PCDHGA8: variants seen among roughly 807,000 people sequenced by gnomAD.
The protein encoded by PCDHGA8 is protocadherin gamma-A8.
A neutral mutation model predicts 59.2 loss-of-function variants in PCDHGA8; 45 were observed. That is an observed-to-expected ratio of 0.76 (90% confidence interval 0.60 to 0.98). The LOEUF is 0.98. PCDHGA8 is among the 50% of genes least tolerant of loss of function. PCDHGA8 has a pLI of 0.00. For missense variants in PCDHGA8, 1,257 were observed against 1,196.2 expected (o/e 1.05, Z -0.75); for synonymous variants, 531 against 519.0 (o/e 1.02, Z -0.32).
intron 1 of PCDHGA8, among the ~76,000 whole-genome samples, chr5:141,451,001 A>AT (rs1164946963): frequency 2.0e-5 from 3 of 148,376 alleles, no homozygotes; most frequent in South Asian, 2.1e-4. Context: ...ATTTTTTTGT[A>AT]TTTTTTTTAG....
At chr5:141,417,538 A>G (rs2154547037) in intron 1 of PCDHGA8, 2 of 297,748 alleles carry the variant, frequency 6.7e-6, no homozygotes, top group East Asian at 6.0e-5. Flanking sequence ...AGTTTAAAAA[A>G]AATTCCTTGA....
rs1399250599 is a variant in PCDHGA8, at chr5:141,476,902, C to A, written c.2425-17905C>A. On this transcript the variant is annotated intron_variant, in intron 1 of 3. Coordinates refer to ENST00000398604, the MANE Select transcript of PCDHGA8 (RefSeq NM_032088.2). The surrounding 1 kb of genome is among the most constrained non-coding windows in gnomAD (Gnocchi z 7.6). ...TGGAGGATGCACCCTCCGGCACGCG[C>A]GTGGTACAAGTCCTTGCAACGGATC... 5 of 1,613,880 alleles carry A rather than the reference C, an allele frequency of 3.1e-6. No individual in the cohort carries two copies. Among genetic ancestry groups the A allele is most frequent in the South Asian group, 1.1e-5 (1 of 91,090 alleles).
At chr5:141,418,743 A>G in intron 1 of PCDHGA8, 5 of 1,613,954 alleles carry the variant, frequency 3.1e-6, no homozygotes, top group African/African-American at 1.3e-5. Context: ...TTCTCTCTGG[A>G]TTACACTACA....
Position 141,483,506 on chromosome 5 carries a change from T to A in PCDHGA8, c.2425-11301T>A, listed in dbSNP as rs964063329. ...AGGGACAGGGATGAGTCAAGGCTGA[T>A]CCCCCTAGATCCTGACTAAGGAAGC... On this transcript the variant is annotated intron_variant, in intron 1 of 3. Coordinates refer to ENST00000398604, the MANE Select transcript of PCDHGA8 (RefSeq NM_032088.2). Among the ~76,000 whole-genome samples the A allele has an allele frequency of 2.7e-5, 4 of 148,396 alleles. No individual in the cohort carries two copies. In the South Asian group the frequency reaches 8.5e-4, roughly 32 times the overall value.
chr5:141,486,608 G>A lies in PCDHGA8; in HGVS notation c.2425-8199G>A. On this transcript the variant is annotated intron_variant, in intron 1 of 3. Transcript: ENST00000398604. The surrounding 1 kb of genome is among the most constrained non-coding windows in gnomAD (Gnocchi z 5.0). ...AGGGGACCTGCTTTGCTCCCTTGCAGCCTCTGACCCAGACTCTGGCTTGAA... is the reference window on the plus strand; with the variant it reads ...AGGGGACCTGCTTTGCTCCCTTGCAACCTCTGACCCAGACTCTGGCTTGAA... 3 of 1,613,546 alleles carry A rather than the reference G, an allele frequency of 1.9e-6. No homozygotes were observed. The highest frequency in any genetic ancestry group is 2.5e-6 in the Non-Finnish European group (3 of 1,180,024).
intron 1 of PCDHGA8, among the ~76,000 whole-genome samples, chr5:141,460,951 G>GTATATA (rs200454978): frequency 7.2e-6 from 1 of 139,722 alleles, no homozygotes; most frequent in African/African-American, 2.8e-5. Flanking sequence ...TATGTATTAT[G>GTATATA]TATATATATA....
At chr5:141,503,133 C>A (rs1164077875) in intron 2 of PCDHGA8, among the ~76,000 whole-genome samples, 1 of 152,002 alleles carries the variant, frequency 6.6e-6, no homozygotes, top group Non-Finnish European at 1.5e-5. Context: ...CTGGTAGCCC[C>A]TGACACAGCC....
Position 141,485,519 on chromosome 5 carries a change from A to T in PCDHGA8, c.2425-9288A>T. ...GTTTGTCACCGAAGGTCCTTTGGAA[A>T]TGTACCGAGCAGAGGTAGAGATCGT... On this transcript the variant is annotated intron_variant, in intron 1 of 3. Transcript: ENST00000398604. The surrounding 1 kb of genome is among the most constrained non-coding windows in gnomAD (Gnocchi z 5.7). The T allele has an allele frequency of 6.2e-7, 1 of 1,614,150 alleles. No individual in the cohort carries two copies. The highest frequency in any genetic ancestry group is 8.5e-7 in the Non-Finnish European group (1 of 1,180,018).
chr5:141,461,560 T>G (rs1355320881), intron 1 of PCDHGA8, among the ~76,000 whole-genome samples: 1 of 152,234 alleles, frequency 6.6e-6, no homozygotes, highest in African/African-American at 2.4e-5. Context: ...ATGTGTACTT[T>G]GCAAAGATAA....
intron 1 of PCDHGA8, chr5:141,479,247 C>A (rs1428944159): frequency 6.6e-6 from 1 of 152,084 alleles, no homozygotes; most frequent in Non-Finnish European, 1.5e-5. Flanking sequence ...CAAAGATAAC[C>A]ATTTTTAATT....
chr5:141,444,525 C>T (rs2098439670), intron 1 of PCDHGA8, among the ~76,000 whole-genome samples: 1 of 152,062 alleles, frequency 6.6e-6, no homozygotes, highest in African/African-American at 2.4e-5. Context: ...GTAGGTGAGA[C>T]AGTGACTGTG....
At position 141,512,815 on chromosome 5, in the gene PCDHGA8, A is replaced by AC. The variant is rs1215322144; in HGVS notation, c.*1647dup. ...TGTGCTGTGTCCACGCGCTAAGGCG[A>AC]CCCCCTCCCCCGTACTGACTTCTCC... is the stretch of plus-strand genomic sequence containing the variant. On this transcript the variant is annotated 3_prime_UTR_variant, in exon 4 of 4. Coordinates refer to ENST00000398604, the MANE Select transcript of PCDHGA8 (RefSeq NM_032088.2). The AC allele has an allele frequency of 6.7e-6, 1 of 149,682 alleles. No homozygotes were observed. The highest frequency in any genetic ancestry group is 1.5e-5 in the Non-Finnish European group (1 of 67,474). 9.3% of individuals were successfully genotyped at this position (149,682 alleles called of 1,614,324 possible).
Position 141,489,565 on chromosome 5 carries a change from G to C in PCDHGA8, c.2425-5242G>C. The C allele has an allele frequency of 6.2e-7, 1 of 1,614,118 alleles. No homozygotes were observed. ...CAGCTGCCTGCTGCCAGTGCAGGTGGTGACTGAACACCCCCTGGAGCTAAT... is the reference window on the plus strand; with the variant it reads ...CAGCTGCCTGCTGCCAGTGCAGGTGCTGACTGAACACCCCCTGGAGCTAAT... On this transcript the variant is annotated intron_variant, in intron 1 of 3. Coordinates refer to ENST00000398604, the MANE Select transcript of PCDHGA8 (RefSeq NM_032088.2). This position sits in a 1 kb window ranked among gnomAD's most constrained non-coding sequence, Gnocchi z 4.5.
At position 141,476,675 on chromosome 5, in the gene PCDHGA8, C is replaced by T. The variant is rs2099395961; in HGVS notation, c.2425-18132C>T. On this transcript the variant is annotated intron_variant, in intron 1 of 3. Transcript: ENST00000398604. The surrounding 1 kb of genome is among the most constrained non-coding windows in gnomAD (Gnocchi z 7.6). ...ATACTTTGCGCTTCGCGTGCAGACG[C>T]GGGAGGACAGCACCAAGTACGCGGA... 1.2e-6 allele frequency: 2 copies of T among 1,614,124 alleles called. No homozygotes were observed. The highest frequency in any genetic ancestry group is 8.5e-7 in the Non-Finnish European group (1 of 1,180,062).
At chr5:141,467,059 T>C (rs1157689140) in intron 1 of PCDHGA8, among the ~76,000 whole-genome samples, 2 of 151,064 alleles carry the variant, frequency 1.3e-5, no homozygotes, top group African/African-American at 2.4e-5. Context: ...TGTTTTCTTT[T>C]TTTTTTTTTT....
rs375127524 is a variant in PCDHGA8 at position 141,490,702 on chromosome 5, C to T, written c.2425-4105C>T. ...AGATCCAGACACTGGGGATAATGCC[C>T]GCCTCACCTACTCCATTGTAGGAAA... On this transcript the variant is annotated intron_variant, in intron 1 of 3. Coordinates refer to ENST00000398604, the MANE Select transcript of PCDHGA8 (RefSeq NM_032088.2). The surrounding 1 kb of genome is among the most constrained non-coding windows in gnomAD (Gnocchi z 5.4). 36 of 1,614,060 alleles carry T rather than the reference C, an allele frequency of 2.2e-5. No homozygotes were observed. Among genetic ancestry groups the T allele is most frequent in the South Asian group, 7.7e-5 (7 of 91,090 alleles).
At position 141,432,730 on chromosome 5, in the gene PCDHGA8, T is replaced by A; in HGVS notation, c.2424+37493T>A. 6.2e-7 allele frequency: 1 copy of A among 1,614,052 alleles called. No homozygotes were observed. Among genetic ancestry groups the A allele is most frequent in the Non-Finnish European group, 8.5e-7 (1 of 1,179,976 alleles). Reference sequence around the variant, plus strand: ...ACGGCCAGCCCCCTCTCTCCGCCACTGTCACGCTCACCGTGGCCGTGGCCG... The same window carrying A: ...ACGGCCAGCCCCCTCTCTCCGCCACAGTCACGCTCACCGTGGCCGTGGCCG... On this transcript the variant is annotated intron_variant, in intron 1 of 3. Transcript: ENST00000398604. The surrounding 1 kb of genome is among the most constrained non-coding windows in gnomAD (Gnocchi z 6.0).
chr5:141,469,500 G>A (rs1471801110), intron 1 of PCDHGA8, among the ~76,000 whole-genome samples: 4 of 151,914 alleles, frequency 2.6e-5, no homozygotes, highest in South Asian at 2.1e-4. Flanking sequence ...GCTTGAACCC[G>A]GGAGGTGGAG....
In PCDHGA8 at chr5:141,491,715, G is replaced by A. The variant is rs1333909488; in HGVS notation, c.2425-3092G>A. 1 of 1,607,782 alleles carries A rather than the reference G, an allele frequency of 6.2e-7. No individual in the cohort carries two copies. Among genetic ancestry groups the A allele is most frequent in the Admixed American group, 1.7e-5 (1 of 58,966 alleles). On this transcript the variant is annotated intron_variant, in intron 1 of 3. Transcript: ENST00000398604. This position sits in a 1 kb window ranked among gnomAD's most constrained non-coding sequence, Gnocchi z 6.9. ...AGCGGAGCCAGGTGAGGGGCTCGGC[G>A]CCGCCCCGGGCGACCCCTGGGGGCG...
Sources: allele counts gnomAD v4.1 joint callset (sites outside exome capture counted in the v4.1 genomes callset), GRCh38; gene constraint gnomAD v4.1.1; non-coding constraint Gnocchi (gnomAD v3.1); transcripts MANE v1.5; gene names NCBI Gene and HGNC (gene_info 2026-07-23, HGNC 2026-07-21).